The following CEMIP2 variants were observed in gnomAD, a reference collection of about 807,000 sequenced individuals.
CEMIP2 encodes cell migration inducing hyaluronidase 2, also known as cell surface hyaluronidase CEMIP2.
CEMIP2 carries 79 observed loss-of-function variants against 146.9 expected under a neutral mutation model. That is an observed-to-expected ratio of 0.54 (90% CI 0.45 to 0.65). The LOEUF (loss-of-function observed/expected upper bound fraction) is 0.65. CEMIP2 is among the 30% of genes least tolerant of loss of function. The probability of loss-of-function intolerance (pLI) is 0.00; values close to 1 mark genes in which losing one functional copy is unlikely to be tolerated. For missense variants in CEMIP2, 1,596 were observed against 1,696.2 expected, an observed-to-expected ratio of 0.94 and a Z score of 1.04; for synonymous variants, 601 against 606.3, an observed-to-expected ratio of 0.99 and a Z score of 0.13.
intron 15 of CEMIP2, among the ~76,000 whole-genome samples, chr9:71,714,060 A>G (rs143828922): frequency 7.6e-4 from 116 of 152,242 alleles, no homozygotes; most frequent in Non-Finnish European, 1.0e-3. Context: ...AGAAAATAGT[A>G]CAGCTCTCCC....
chr9:71,734,329 A>T (rs963625800), intron 6 of CEMIP2, among the ~76,000 whole-genome samples: 3 of 152,172 alleles, frequency 2.0e-5, no homozygotes, highest in Non-Finnish European at 2.9e-5. Context: ...ATTATCTGAT[A>T]GTAGAAAATT....
intron 1 of CEMIP2, among the ~76,000 whole-genome samples, chr9:71,756,352 T>A (rs1044777281): frequency 6.6e-6 from 1 of 151,404 alleles, no homozygotes; most frequent in Non-Finnish European, 1.5e-5. Flanking sequence ...TATATGTATA[T>A]ACATACATGT....
At position 71,725,662 on chromosome 9, in the gene CEMIP2, G is replaced by A; in HGVS notation, c.2097C>T (p.Ser699=). The A allele has an allele frequency of 6.2e-7, 1 of 1,613,950 alleles. No individual in the cohort carries two copies. The highest frequency in any genetic ancestry group is 8.5e-7 in the Non-Finnish European group (1 of 1,179,954). Residue 699 remains serine, a synonymous_variant, in exon 11 of 24, where the codon TCC becomes TCT. Coordinates refer to ENST00000377044, the MANE Select transcript of CEMIP2 (RefSeq NM_013390.3). The part of the protein sequence containing the change: ...YLFHKEPTGE[S]SGLQLLAKPE... ...GTTTTGCCAAGAGCTGCAATCCACT[G>A]GATTCCCCAGTTGGTTCCTTGTGGA... is the stretch of plus-strand genomic sequence containing the variant.
intron 16 of CEMIP2, among the ~76,000 whole-genome samples, chr9:71,709,874 C>G (rs1381453010): frequency 6.6e-6 from 1 of 152,120 alleles, no homozygotes; most frequent in Non-Finnish European, 1.5e-5. Context: ...CATGTAAGAT[C>G]TGTGCATTTC....
intron 20 of CEMIP2, among the ~76,000 whole-genome samples, chr9:71,696,325 C>A (rs746158083): frequency 5.9e-5 from 9 of 152,104 alleles, no homozygotes; most frequent in Non-Finnish European, 8.8e-5. Context: ...ATTATATCAG[C>A]CTGGCAAGGA....
At chr9:71,747,931 A>G (rs1267141901) in intron 2 of CEMIP2, among the ~76,000 whole-genome samples, 2 of 152,212 alleles carry the variant, frequency 1.3e-5, no homozygotes, top group African/African-American at 4.8e-5. Flanking sequence ...TAAGTCAATG[A>G]GTATCACTAT....
intron 22 of CEMIP2, among the ~76,000 whole-genome samples, 164 bp downstream of exon 22, chr9:71,689,928 T>C (rs1420042662): frequency 1.3e-5 from 2 of 152,190 alleles, no homozygotes; most frequent in African/African-American, 4.8e-5. Context: ...ATAAGCAGCT[T>C]AGACGACATG....
At chr9:71,760,719 C>T (rs956755049) in intron 1 of CEMIP2, among the ~76,000 whole-genome samples, 2 of 134,058 alleles carry the variant, frequency 1.5e-5, no homozygotes, top group Non-Finnish European at 3.5e-5. Context: ...ACAGCTAACA[C>T]TCTCTGAGCA....
At chr9:71,744,484 C>G (rs1350759678) in intron 4 of CEMIP2, among the ~76,000 whole-genome samples, 2 of 152,150 alleles carry the variant, frequency 1.3e-5, no homozygotes, top group African/African-American at 4.8e-5. Context: ...CTCATATATG[C>G]CAGGGGTCCA....
chr9:71,759,894 T>C (rs887471558), intron 1 of CEMIP2, among the ~76,000 whole-genome samples: 4 of 152,080 alleles, frequency 2.6e-5, no homozygotes, highest in African/African-American at 9.7e-5. Flanking sequence ...CAGGAACTTT[T>C]TGATCTCTAA....
At chr9:71,695,816 C>A (rs992079780) in intron 20 of CEMIP2, among the ~76,000 whole-genome samples, 11 of 152,122 alleles carry the variant, frequency 7.2e-5, no homozygotes, top group Non-Finnish European at 1.3e-4. Context: ...TTGGTTTTGA[C>A]AGTCAGAACA....
chr9:71,688,751 C>T (rs1244502396), intron 22 of CEMIP2, among the ~76,000 whole-genome samples: 2 of 152,132 alleles, frequency 1.3e-5, no homozygotes, highest in African/African-American at 2.4e-5. Context: ...CTAAGCACGG[C>T]TACCCTGCAG....
At chr9:71,712,379 C>G (rs886693152) in intron 15 of CEMIP2, 119 bp from the exon 16 acceptor site, 1 of 876,696 alleles carries the variant, frequency 1.1e-6, no homozygotes, top group African/African-American at 1.7e-5. Context: ...TTCTAGGATA[C>G]AGTAGGAGCC....
intron 10 of CEMIP2, 60 bp from the exon 11 acceptor site, chr9:71,725,769 T>C: frequency 6.6e-7 from 1 of 1,512,542 alleles, no homozygotes; most frequent in Non-Finnish European, 8.9e-7. Flanking sequence ...TATGAAACAC[T>C]CTCATAAACT....
chr9:71,688,242 A>G (rs1822126832), intron 22 of CEMIP2, among the ~76,000 whole-genome samples: 1 of 152,130 alleles, frequency 6.6e-6, no homozygotes, highest in Non-Finnish European at 1.5e-5. Flanking sequence ...ATTAAAAGGT[A>G]ACATTAGATT....
Position 71,714,918 on chromosome 9 carries a change from C to T in CEMIP2, c.2591+16G>A. 1.2e-6 allele frequency: 2 copies of T among 1,609,778 alleles called. 1 individual carries two copies. Among genetic ancestry groups the T allele is most frequent in the South Asian group, 2.2e-5 (2 of 90,080 alleles). ...ATTGCTTAAATTTAACACTCCACAG[C>T]TAAAGCAATGCTTACCTGTTCCTGG... On this transcript the variant is annotated intron_variant, in intron 15 of 23. Transcript: ENST00000377044.
intron 10 of CEMIP2, among the ~76,000 whole-genome samples, chr9:71,728,418 G>C: frequency 6.8e-6 from 1 of 146,384 alleles, no homozygotes; most frequent in Non-Finnish European, 1.5e-5. Context: ...GGAGGCAGAG[G>C]GTGCAGTAAG....
chr9:71,691,206 G>C (rs971001103), intron 21 of CEMIP2, among the ~76,000 whole-genome samples: 2 of 152,134 alleles, frequency 1.3e-5, no homozygotes, highest in African/African-American at 4.8e-5. Context: ...GTTGAGGTGG[G>C]TGAATCACCT....
At chr9:71,705,277 C>T (rs1822700771) in intron 17 of CEMIP2, among the ~76,000 whole-genome samples, 1 of 151,678 alleles carries the variant, frequency 6.6e-6, no homozygotes, top group African/African-American at 2.4e-5. Context: ...CCCACAAAGC[C>T]ATTTTTCACC....
Sources: allele counts gnomAD v4.1 joint callset (sites outside exome capture counted in the v4.1 genomes callset), GRCh38; gene constraint gnomAD v4.1.1; transcripts MANE v1.5; gene names NCBI Gene and HGNC (gene_info 2026-07-23, HGNC 2026-07-21).